The following PCDHA1 variants were observed in gnomAD, a reference collection of about 807,000 sequenced individuals.
The protein encoded by PCDHA1 is protocadherin alpha 1.
Under a neutral mutation model 61.3 loss-of-function variants are expected in PCDHA1, and 42 were observed. That is an observed-to-expected ratio of 0.69 (90% CI 0.54 to 0.89). PCDHA1 has a LOEUF of 0.89. Among genes scored for constraint, PCDHA1 ranks in the 40% least tolerant of loss-of-function variants. The probability of loss-of-function intolerance (pLI) is 0.00; values close to 1 mark genes in which losing one functional copy is unlikely to be tolerated. For synonymous variants in PCDHA1, 610 were observed against 553.8 expected (o/e 1.10, Z -1.43); for missense variants, 1,256 against 1,235.3 (o/e 1.02, Z -0.25).
intron 1 of PCDHA1, chr5:140,967,436 C>A (rs781894469): frequency 1.2e-6 from 2 of 1,613,378 alleles, no homozygotes; most frequent in Non-Finnish European, 8.5e-7. Flanking sequence ...AGCCTTGCAC[C>A]ACCTGGTTCT....
chr5:140,939,379 A>C (rs1554212694), intron 1 of PCDHA1, among the ~76,000 whole-genome samples: 1 of 152,170 alleles, frequency 6.6e-6, no homozygotes, highest in Non-Finnish European at 1.5e-5. Flanking sequence ...GAACACAAAC[A>C]TTCAGATCAT....
intron 1 of PCDHA1, among the ~76,000 whole-genome samples, chr5:140,916,423 G>A (rs915446945): frequency 6.6e-6 from 1 of 152,174 alleles, no homozygotes; most frequent in Non-Finnish European, 1.5e-5. Context: ...GCACATCTCA[G>A]AACCTAAGGC....
intron 1 of PCDHA1, chr5:140,834,460 C>G (rs202125503): frequency 6.3e-6 from 10 of 1,589,954 alleles, no homozygotes; most frequent in Non-Finnish European, 8.6e-6. Flanking sequence ...GCTTGGGAGG[C>G]AGGGAGAGGC....
intron 1 of PCDHA1, among the ~76,000 whole-genome samples, chr5:140,886,252 C>G (rs1368508838): frequency 6.6e-6 from 1 of 151,858 alleles, no homozygotes; most frequent in Non-Finnish European, 1.5e-5. Flanking sequence ...ATAAAAGTAT[C>G]TCTATTTATA....
chr5:140,930,466 T>C (rs2086864823), intron 1 of PCDHA1: 1 of 152,352 alleles, frequency 6.6e-6, no homozygotes. Context: ...CAAGTGATCC[T>C]CCCACCTAGG....
At position 140,852,925 on chromosome 5, in the gene PCDHA1, C is replaced by G. The variant is rs2150525482; in HGVS notation, c.2394+64241C>G. 94 of 702,082 alleles carry G rather than the reference C, an allele frequency of 1.3e-4. 5 individuals are homozygous for G. The South Asian group carries it at 4.5e-3, about 34-fold the overall frequency. The allele number at this position is 702,082 out of a possible 1,614,324, so 43.5% of individuals were successfully genotyped here. On this transcript the variant is annotated intron_variant, in intron 1 of 3. Coordinates refer to ENST00000504120, the MANE Select transcript of PCDHA1 (RefSeq NM_018900.4). ...TCAGAGTCTCGCTCTGTTGCCCAGG[C>G]TGGAGTGCAGTGGTGCCATCTTGGC...
intron 1 of PCDHA1, chr5:140,823,515 G>A: frequency 6.2e-7 from 1 of 1,613,500 alleles, no homozygotes; most frequent in Non-Finnish European, 8.5e-7. Context: ...GCGAGCTGGT[G>A]CCGAGGTCAG....
chr5:140,921,215 CT>C (rs2080099389), intron 1 of PCDHA1, among the ~76,000 whole-genome samples: 1 of 151,942 alleles, frequency 6.6e-6, no homozygotes, highest in Admixed American at 6.6e-5. Context: ...TAATTCACGT[CT>C]TTTTTGCTAG....
At position 140,833,643 on chromosome 5, in the gene PCDHA1, C is replaced by T. The variant is rs2150210110; in HGVS notation, c.2394+44959C>T. On this transcript the variant is annotated intron_variant, in intron 1 of 3. Coordinates refer to ENST00000504120, the MANE Select transcript of PCDHA1 (RefSeq NM_018900.4). Reference sequence around the variant, plus strand: ...GAATACTTCCTCCTCAAAAAGTTCACATGATACAAATTCTTCCCCTTCAAA... The same window carrying T: ...GAATACTTCCTCCTCAAAAAGTTCATATGATACAAATTCTTCCCCTTCAAA... Among the ~76,000 whole-genome samples the T allele has an allele frequency of 6.6e-5, 10 of 152,284 alleles. No homozygotes were observed. The East Asian group carries it at 1.4e-3, about 21-fold the overall frequency.
chr5:140,822,949 G>C (rs782104734), intron 1 of PCDHA1: 6 of 1,614,230 alleles, frequency 3.7e-6, no homozygotes, highest in Non-Finnish European at 5.1e-6. Flanking sequence ...AATGCCCCAC[G>C]TTCCCTTCAA....
At chr5:140,805,781 T>A (rs1021949445) in intron 1 of PCDHA1, 1 of 185,662 alleles carries the variant, frequency 5.4e-6, no homozygotes, top group Non-Finnish European at 1.0e-5. Context: ...GTCTAGAGAC[T>A]TTTTTTGTAT....
chr5:140,894,941 C>T (rs2064738715), intron 1 of PCDHA1, among the ~76,000 whole-genome samples: 1 of 152,272 alleles, frequency 6.6e-6, no homozygotes, highest in East Asian at 1.9e-4. Context: ...CAGCTATTGT[C>T]ATGAAATGAT....
At chr5:140,863,360 G>T in intron 1 of PCDHA1, 1 of 1,206,130 alleles carries the variant, frequency 8.3e-7, no homozygotes, top group Non-Finnish European at 1.2e-6. Context: ...ACGCTGCGGT[G>T]CTTGGCGCAG....
chr5:140,896,228 G>C (rs567886194), intron 1 of PCDHA1, among the ~76,000 whole-genome samples: 1 of 152,298 alleles, frequency 6.6e-6, no homozygotes, highest in South Asian at 2.1e-4. Context: ...CTTTATAGTA[G>C]AATGACTTAT....
intron 1 of PCDHA1, among the ~76,000 whole-genome samples, chr5:140,946,752 A>G (rs1470208958): frequency 9.2e-5 from 14 of 151,470 alleles, no homozygotes; most frequent in African/African-American, 3.4e-4. Context: ...CAAATACTGC[A>G]TGATCTCATT....
At chr5:140,871,639 A>T in intron 1 of PCDHA1, 1 of 1,347,750 alleles carries the variant, frequency 7.4e-7, no homozygotes, top group East Asian at 2.5e-5. Context: ...CTGTTCATAA[A>T]ATACCAAATG....
chr5:140,997,614 A>T (rs1355709943), intron 3 of PCDHA1, among the ~76,000 whole-genome samples: 2 of 152,148 alleles, frequency 1.3e-5, no homozygotes, highest in African/African-American at 4.8e-5. Context: ...GCATGACTAT[A>T]TAGAGATTTT....
intron 1 of PCDHA1, chr5:140,843,199 G>C (rs2150355178): frequency 6.3e-7 from 1 of 1,596,082 alleles, no homozygotes; most frequent in South Asian, 1.1e-5. Flanking sequence ...GCGTGGGGCT[G>C]TACACGGGCG....
chr5:140,938,295 A>G (rs1458865676), intron 1 of PCDHA1, among the ~76,000 whole-genome samples: 1 of 152,190 alleles, frequency 6.6e-6, no homozygotes, highest in Non-Finnish European at 1.5e-5. Context: ...GTCATTGCCT[A>G]TGAAATTCAG....
Sources: allele counts gnomAD v4.1 joint callset (sites outside exome capture counted in the v4.1 genomes callset), GRCh38; gene constraint gnomAD v4.1.1; transcripts MANE v1.5; gene names NCBI Gene and HGNC (gene_info 2026-07-23, HGNC 2026-07-21).